The following CLOCK variants were observed in gnomAD, a reference collection of about 807,000 sequenced individuals.
CLOCK encodes the protein clock circadian regulator.
Under a neutral mutation model 118.4 loss-of-function variants are expected in CLOCK, and 43 were observed. The ratio of observed to expected loss-of-function variants is 0.36; its 90% confidence interval spans 0.28 to 0.47. CLOCK has a LOEUF of 0.47. CLOCK is among the 20% of genes least tolerant of loss of function. The pLI, the probability that CLOCK is intolerant of heterozygous loss-of-function variation, is 1.00. For synonymous variants in CLOCK, 326 were observed against 339.2 expected, an observed-to-expected ratio of 0.96 and a Z score of 0.43; for missense variants, 846 against 999.9, an observed-to-expected ratio of 0.85 and a Z score of 2.08.
chr4:55,539,268 A>T (rs562701203), intron 1 of CLOCK, among the ~76,000 whole-genome samples: 1 of 151,802 alleles, frequency 6.6e-6, no homozygotes, highest in South Asian at 2.1e-4. Flanking sequence ...AAAAAACACC[A>T]AAAACCACTT....
chr4:55,468,347 C>T (rs979671041), intron 8 of CLOCK, among the ~76,000 whole-genome samples: 2 of 152,160 alleles, frequency 1.3e-5, no homozygotes, highest in African/African-American at 4.8e-5. Flanking sequence ...ATATTAAAAA[C>T]TGAAAACTCC....
At chr4:55,528,360 T>A (rs1407420442) in intron 1 of CLOCK, among the ~76,000 whole-genome samples, 2 of 147,582 alleles carry the variant, frequency 1.4e-5, no homozygotes, top group South Asian at 2.2e-4. Flanking sequence ...AAAAAAAAAA[T>A]TAATTAATTA....
chr4:55,476,659 G>C (rs554895136), intron 6 of CLOCK, among the ~76,000 whole-genome samples: 1 of 152,118 alleles, frequency 6.6e-6, no homozygotes, highest in Non-Finnish European at 1.5e-5. Context: ...TACAACAGTA[G>C]AGAGATGGTG....
Position 55,482,826 on chromosome 4 carries a change from C to A in CLOCK, c.-41G>T. The A allele has an allele frequency of 6.9e-7, 1 of 1,450,502 alleles. No individual in the cohort carries two copies. Among genetic ancestry groups the A allele is most frequent in the Non-Finnish European group, 9.6e-7 (1 of 1,042,488 alleles). 89.9% of individuals were successfully genotyped at this position (1,450,502 alleles called of 1,614,324 possible). A position where few individuals can be genotyped will look rare whatever the true frequency, so the allele number is the denominator to read the frequency against. On this transcript the variant is annotated splice_region_variant and 5_prime_UTR_variant, in exon 4 of 23. Transcript: ENST00000513440. ...CGTCTTGTAGTAGACATTTGTACTT[C>A]TCCTTAGGTGAAAAGAAAAATAAAT... is the stretch of plus-strand genomic sequence containing the variant.
At position 55,521,812 on chromosome 4, in the gene CLOCK, C is replaced by A. The variant is rs138005293; in HGVS notation, c.-289-11747G>T. Among the ~76,000 whole-genome samples the A allele has an allele frequency of 3.5e-3, 536 of 152,114 alleles. 3 individuals are homozygous for A. The highest frequency in any genetic ancestry group is 0.012 in the African/African-American group (517 of 41,408). On this transcript the variant is annotated intron_variant, in intron 1 of 22. Coordinates refer to ENST00000513440, the MANE Select transcript of CLOCK (RefSeq NM_004898.4). ...TATTGATTTGTGTCCATATGGTATG[C>A]ATATATGAGTGTGTATGTAACTAGA... is the stretch of plus-strand genomic sequence containing the variant.
At chr4:55,498,436 T>C (rs904154371) in intron 2 of CLOCK, among the ~76,000 whole-genome samples, 3 of 152,156 alleles carry the variant, frequency 2.0e-5, no homozygotes, top group Non-Finnish European at 4.4e-5. Context: ...CATGTCTTCT[T>C]CACTAAAATA....
At chr4:55,483,214 G>A (rs536152163) in intron 3 of CLOCK, among the ~76,000 whole-genome samples, 2 of 152,120 alleles carry the variant, frequency 1.3e-5, no homozygotes, top group African/African-American at 2.4e-5. Context: ...CAGGCTTTGG[G>A]CACATAACAG....
At chr4:55,470,920 G>T (rs942056222) in intron 7 of CLOCK, 114 bp from the exon 8 acceptor site, 3 of 731,944 alleles carry the variant, frequency 4.1e-6, no homozygotes, top group East Asian at 5.2e-5. Context: ...CCAAAGTTCT[G>T]TCAAAATATA....
intron 22 of CLOCK, among the ~76,000 whole-genome samples, chr4:55,437,274 C>T (rs911351651): frequency 1.1e-4 from 17 of 152,082 alleles, no homozygotes; most frequent in Non-Finnish European, 1.8e-4. Context: ...ATAATCACAT[C>T]ACATGTTATA....
chr4:55,458,777 T>TAA lies in CLOCK; in HGVS notation c.792+114_792+115insTT, dbSNP rs1316082703. 166 of 711,670 alleles carry TAA rather than the reference T, an allele frequency of 2.3e-4. No individual in the cohort carries two copies. The African/African-American group carries it at 2.5e-3, about 11-fold the overall frequency. The allele number at this position is 711,670 out of a possible 1,614,324, so 44.1% of individuals were successfully genotyped here. A position where few individuals can be genotyped will look rare whatever the true frequency, so the allele number is the denominator to read the frequency against. On this transcript the variant is annotated intron_variant, in intron 11 of 22. Coordinates refer to ENST00000513440, the MANE Select transcript of CLOCK (RefSeq NM_004898.4). ...TGATAACTCATCGTTTCAAAAATAT[T>TAA]ATCATGCATATTTAATGACTCATAG...
At chr4:55,504,305 A>C (rs1728656415) in intron 2 of CLOCK, among the ~76,000 whole-genome samples, 1 of 150,066 alleles carries the variant, frequency 6.7e-6, no homozygotes, top group South Asian at 2.1e-4. Context: ...AAAAAAAAAA[A>C]AACACAACTT....
chr4:55,461,338 AC>A (rs1208120724), intron 9 of CLOCK, among the ~76,000 whole-genome samples: 1 of 152,152 alleles, frequency 6.6e-6, no homozygotes, highest in Non-Finnish European at 1.5e-5. Flanking sequence ...AAACCAGATG[AC>A]GAAAGTGGCA....
intron 13 of CLOCK, among the ~76,000 whole-genome samples, chr4:55,454,361 T>A (rs2109777596): frequency 6.6e-6 from 1 of 152,186 alleles, no homozygotes; most frequent in East Asian, 1.9e-4. Flanking sequence ...ACGCCTGTAA[T>A]CTCAGTACTT....
At chr4:55,489,651 C>T (rs1212615437) in intron 2 of CLOCK, among the ~76,000 whole-genome samples, 186 bp from the exon 3 acceptor site, 2 of 151,860 alleles carry the variant, frequency 1.3e-5, no homozygotes, top group African/African-American at 4.8e-5. Context: ...TAAACTAAAA[C>T]AATCACTTAA....
intron 3 of CLOCK, among the ~76,000 whole-genome samples, chr4:55,485,656 C>G (rs934919695): frequency 2.0e-5 from 3 of 151,944 alleles, no homozygotes; most frequent in Non-Finnish European, 2.9e-5. Flanking sequence ...CGACATTAGA[C>G]CACAAAGATA....
intron 2 of CLOCK, among the ~76,000 whole-genome samples, chr4:55,505,008 C>A (rs1728708711): frequency 1.3e-5 from 2 of 151,838 alleles, no homozygotes; most frequent in South Asian, 2.1e-4. Context: ...CATAGTGAAA[C>A]CCTGTCTTTA....
rs564770246 is a variant in CLOCK at position 55,428,853 on chromosome 4, A to G, written c.*6562T>C. The stretch of plus-strand genomic sequence containing the variant: ...TGAATTTAACTCATCTTTGGGCTTC[A>G]ATCTTTACATAGAGTGAATATGAAA... On this transcript the variant is annotated 3_prime_UTR_variant, in exon 23 of 23. Transcript: ENST00000513440. 9.2e-5 allele frequency: 14 copies of G among 151,806 alleles called. No homozygotes were observed. The highest frequency in any genetic ancestry group is 3.4e-4 in the African/African-American group (14 of 41,350). 9.4% of individuals were successfully genotyped at this position (151,806 alleles called of 1,614,324 possible). A position where few individuals can be genotyped will look rare whatever the true frequency, so the allele number is the denominator to read the frequency against.
chr4:55,475,888 C>T (rs1052845187), intron 7 of CLOCK, 75 bp downstream of exon 7: 3 of 970,200 alleles, frequency 3.1e-6, no homozygotes, highest in Admixed American at 3.7e-5. Flanking sequence ...CGCCAAGGTA[C>T]ACCTGGATAT....
At chr4:55,453,244 TA>T in intron 14 of CLOCK, 115 bp from the exon 15 acceptor site, 1 of 877,982 alleles carries the variant, frequency 1.1e-6, no homozygotes, top group Non-Finnish European at 1.9e-6. Context: ...GACTATTTGC[TA>T]TGTGCTACAC....
Sources: allele counts gnomAD v4.1 joint callset (sites outside exome capture counted in the v4.1 genomes callset), GRCh38; gene constraint gnomAD v4.1.1; transcripts MANE v1.5; gene names NCBI Gene and HGNC (gene_info 2026-07-23, HGNC 2026-07-21).